The following KIAA1217 variants were observed in gnomAD, a reference collection of about 807,000 sequenced individuals.
KIAA1217 encodes sickle tail protein homolog.
KIAA1217 carries 88 observed loss-of-function variants against 163.9 expected under a neutral mutation model. The ratio of observed to expected loss-of-function variants is 0.54; its 90% CI spans 0.45 to 0.64. KIAA1217 has a LOEUF of 0.64. Among genes scored for constraint, KIAA1217 ranks in the 30% least tolerant of loss-of-function variants. The probability of loss-of-function intolerance (pLI) is 0.00; values close to 1 mark genes in which losing one functional copy is unlikely to be tolerated. For missense variants in KIAA1217, 2,372 were observed against 2,475.0 expected, an observed-to-expected ratio of 0.96 and a Z score of 0.88; for synonymous variants, 903 against 923.1, an observed-to-expected ratio of 0.98 and a Z score of 0.39.
chr10:24,117,870 T>A (rs2063121828), intron 2 of KIAA1217, among the ~76,000 whole-genome samples: 1 of 151,816 alleles, frequency 6.6e-6, no homozygotes, highest in Non-Finnish European at 1.5e-5. Context: ...AAAGGGGTGG[T>A]AGGAGAAAGA....
At chr10:24,348,975 C>A (rs1332931275) in intron 2 of KIAA1217, among the ~76,000 whole-genome samples, 1 of 151,810 alleles carries the variant, frequency 6.6e-6, no homozygotes, top group Admixed American at 6.6e-5. Context: ...AGTGAGAATC[C>A]CATTTTTCTA....
At chr10:24,143,631 ACTT>A (rs368618623) in intron 2 of KIAA1217, among the ~76,000 whole-genome samples, 18 of 152,114 alleles carry the variant, frequency 1.2e-4, no homozygotes, top group African/African-American at 4.3e-4. Flanking sequence ...TTCTGCTTCT[ACTT>A]ATTTGTGCTG....
At chr10:23,717,916 A>G (rs1282913994) in intron 1 of KIAA1217, among the ~76,000 whole-genome samples, 2 of 152,200 alleles carry the variant, frequency 1.3e-5, no homozygotes, top group African/African-American at 4.8e-5. Flanking sequence ...ATCATAAAAC[A>G]TTATACACAC....
chr10:23,950,563 C>G (rs1718510936), intron 1 of KIAA1217, among the ~76,000 whole-genome samples: 1 of 151,882 alleles, frequency 6.6e-6, no homozygotes, highest in Non-Finnish European at 1.5e-5. Context: ...GGCTTTATCT[C>G]AAATAATATA....
intron 1 of KIAA1217, among the ~76,000 whole-genome samples, chr10:23,828,068 T>C (rs940523295): frequency 2.0e-5 from 3 of 152,210 alleles, no homozygotes; most frequent in African/African-American, 7.2e-5. Flanking sequence ...TAACGCTTAT[T>C]GATTTTCTGC....
chr10:24,299,933 C>G (rs2041103374), intron 2 of KIAA1217, among the ~76,000 whole-genome samples: 1 of 152,150 alleles, frequency 6.6e-6, no homozygotes. Context: ...TGTGCATGCT[C>G]CATGTCCAGC....
chr10:24,175,246 A>T (rs1195236164), intron 2 of KIAA1217, among the ~76,000 whole-genome samples: 1 of 152,154 alleles, frequency 6.6e-6, no homozygotes, highest in African/African-American at 2.4e-5. Context: ...ATGCCTTTGC[A>T]TCCCTATAGT....
At chr10:24,081,525 GTTCC>G (rs1285187689) in intron 2 of KIAA1217, among the ~76,000 whole-genome samples, 1 of 152,092 alleles carries the variant, frequency 6.6e-6, no homozygotes, top group Non-Finnish European at 1.5e-5. Context: ...CTTCCTCCTC[GTTCC>G]TTCCTTTTCC....
At position 24,473,987 on chromosome 10, in the gene KIAA1217, C is replaced by G; in HGVS notation, c.1606C>G (p.Leu536Val). ...SAAGLSSLVD[L>V]GPPLMEKQVF... ...TGCAGGATTATCCAGCCTTGTAGAC[C>G]TCGGCCCTCCTCTAATGGAGAAGCA... Residue 536 changes from leucine to valine, a missense_variant, in exon 6 of 21, where the codon CTC becomes GTC. Leu to Val is a conservative substitution (Grantham distance 32). Around this residue, in one of 3 missense-constraint regions of KIAA1217, gnomAD observed 1,431 missense variants for 1,470.3 expected, o/e 0.97. Transcript: ENST00000376454. 1 of 1,613,806 alleles carries G rather than the reference C, an allele frequency of 6.2e-7. No individual in the cohort carries two copies. The highest frequency in any genetic ancestry group is 8.5e-7 in the Non-Finnish European group (1 of 1,179,866).
chr10:24,275,605 A>G (rs978382212), intron 2 of KIAA1217: 2 of 461,024 alleles, frequency 4.3e-6, no homozygotes, highest in African/African-American at 4.0e-5. Context: ...TCTGCTAGTA[A>G]TGAGGACTGA....
intron 2 of KIAA1217, among the ~76,000 whole-genome samples, chr10:24,147,815 A>AGAGC (rs2064390979): frequency 7.0e-6 from 1 of 143,094 alleles, no homozygotes; most frequent in Non-Finnish European, 1.5e-5. Flanking sequence ...CCTGGGCAAC[A>AGAGC]AAGTGATACT....
chr10:24,060,374 T>G (rs551677697), intron 2 of KIAA1217, among the ~76,000 whole-genome samples: 7 of 152,224 alleles, frequency 4.6e-5, no homozygotes, highest in Non-Finnish European at 8.8e-5. Context: ...TGGTTTTTTC[T>G]TTTACTCACT....
At chr10:23,858,369 C>T (rs1021199025) in intron 1 of KIAA1217, among the ~76,000 whole-genome samples, 1 of 151,918 alleles carries the variant, frequency 6.6e-6, no homozygotes, top group Non-Finnish European at 1.5e-5. Flanking sequence ...ACCTAAAGAA[C>T]TATAAACTTA....
chr10:24,039,797 GATAGATATAGATATAGAT>G (rs71923161), intron 2 of KIAA1217, among the ~76,000 whole-genome samples: 53,370 of 147,470 alleles, frequency 0.36, 11,506 homozygotes, highest in Non-Finnish European at 0.49. Context: ...TATAGATATA[GATAGATATAGATATAGAT>G]ATAGATATAG....
At chr10:24,350,737 C>T (rs1275015332) in intron 2 of KIAA1217, among the ~76,000 whole-genome samples, 2 of 151,444 alleles carry the variant, frequency 1.3e-5, no homozygotes, top group Non-Finnish European at 2.9e-5. Context: ...TCGAGAGAAA[C>T]TTCATAAAAC....
intron 2 of KIAA1217, among the ~76,000 whole-genome samples, chr10:24,094,375 G>T (rs1224272161): frequency 6.6e-6 from 1 of 152,046 alleles, no homozygotes; most frequent in African/African-American, 2.4e-5. Flanking sequence ...TCTACTTTTG[G>T]TCTTTGATGA....
intron 8 of KIAA1217, among the ~76,000 whole-genome samples, chr10:24,497,696 A>T (rs1038207284): frequency 6.0e-5 from 9 of 149,870 alleles, no homozygotes; most frequent in Non-Finnish European, 8.9e-5. Flanking sequence ...CTTCAGCCTG[A>T]GTGACAGAGC....
rs150795024 is a variant in KIAA1217, at chr10:24,531,858, G to A, written c.3111G>A (p.Leu1037=). ...ATTCTCCAAATTCGGAACAGGACTTGGAAAAGCTGGGGGGAAAGTCGCCCC... is the reference window on the plus strand; with the variant it reads ...ATTCTCCAAATTCGGAACAGGACTTAGAAAAGCTGGGGGGAAAGTCGCCCC... ...SEDSPNSEQD[L]EKLGGKSPPP... The change falls in exon 15 of 21, where the codon TTG becomes TTA. Residue 1037 remains leucine, a synonymous_variant. Coordinates refer to ENST00000376454, the MANE Select transcript of KIAA1217 (RefSeq NM_019590.5). 23 of 1,605,220 alleles carry A rather than the reference G, an allele frequency of 1.4e-5. No homozygotes were observed. The highest frequency in any genetic ancestry group is 3.4e-5 in the Admixed American group (2 of 59,134).
chr10:24,495,760 A>C (rs1490246158), intron 8 of KIAA1217, among the ~76,000 whole-genome samples: 1 of 152,246 alleles, frequency 6.6e-6, no homozygotes, highest in African/African-American at 2.4e-5. Context: ...ATGGATGAGA[A>C]GGGACAGTAG....
Sources: gnomAD v4.1 joint callset for allele counts (sites outside exome capture counted in the v4.1 genomes callset) on GRCh38, gnomAD v4.1.1 for gene constraint, gnomAD v4.1.1 regional missense constraint, MANE v1.5 for transcripts, NCBI Gene and HGNC (gene_info 2026-07-23, HGNC 2026-07-21) for gene names.